Variants in CEP83 observed in about 807,000 individuals in gnomAD.
CEP83 encodes the protein centrosomal protein of 83 kDa.
In CEP83, 70 loss-of-function variants were observed where a neutral mutation model predicts 101.9. The ratio of observed to expected loss-of-function variants is 0.69; its 90% CI spans 0.57 to 0.84. The LOEUF (loss-of-function observed/expected upper bound fraction) is 0.84, where lower values mean the gene tolerates loss of function less well. Among genes scored for constraint, CEP83 ranks in the 40% least tolerant of loss-of-function variants. The probability of loss-of-function intolerance (pLI) is 0.00; values close to 1 mark genes in which losing one functional copy is unlikely to be tolerated. For synonymous variants in CEP83, 264 were observed against 267.9 expected (o/e 0.99, Z 0.14); for missense variants, 715 against 787.2 (o/e 0.91, Z 1.10).
intron 11 of CEP83, among the ~76,000 whole-genome samples, chr12:94,343,470 C>CTTTTCTTTTTTTTTT (rs2059785388): frequency 2.4e-5 from 2 of 84,168 alleles, no homozygotes; most frequent in African/African-American, 1.0e-4. Flanking sequence ...TAGAAATTAA[C>CTTTTCTTTTTTTTTT]TTTTTTTTTT....
chr12:94,441,018 A>G (rs1424886459), intron 1 of CEP83, among the ~76,000 whole-genome samples: 1 of 152,258 alleles, frequency 6.6e-6, no homozygotes, highest in Non-Finnish European at 1.5e-5. Flanking sequence ...CTCACCTTAC[A>G]CAAAAATCAA....
chr12:94,305,096 A>C, downstream of CEP83: 1 of 760,386 alleles, frequency 1.3e-6, no homozygotes, highest in Non-Finnish European at 2.2e-6. Flanking sequence ...TACAGATTTT[A>C]CCACTCACAG....
At chr12:94,406,856 G>T (rs2063569968) in intron 4 of CEP83, among the ~76,000 whole-genome samples, 1 of 151,732 alleles carries the variant, frequency 6.6e-6, no homozygotes. Flanking sequence ...GAACACAGGA[G>T]GCGGAGCTTG....
chr12:94,401,214 A>T (rs1341708686), intron 5 of CEP83: 1 of 196,866 alleles, frequency 5.1e-6, no homozygotes, highest in Non-Finnish European at 9.8e-6. Flanking sequence ...CCATTCAATT[A>T]ATCTTATTTC....
intron 11 of CEP83, among the ~76,000 whole-genome samples, chr12:94,346,448 A>C (rs2059936628): frequency 9.5e-6 from 1 of 105,502 alleles, no homozygotes; most frequent in Non-Finnish European, 1.8e-5. Flanking sequence ...ACGCCGTCTC[A>C]AAAAAAAAAA....
rs1473564654 is a variant in CEP83, at chr12:94,410,285, A to G, written c.324+1412T>C. 2.0e-5 allele frequency among the ~76,000 whole-genome samples: 3 copies of G among 152,334 alleles called. No homozygotes were observed. The East Asian group carries it at 5.8e-4, about 29-fold the overall frequency. ...TAATCTATGAATATTTACTATGTGG[A>G]AAGTATGGCAGTAAAAATGTAGATG... On this transcript the variant is annotated intron_variant, in intron 4 of 16. Transcript: ENST00000397809.
chr12:94,290,869 G>A, the CEP83 span, among the ~76,000 whole-genome samples: 1 of 152,202 alleles, frequency 6.6e-6, no homozygotes, highest in Non-Finnish European at 1.5e-5. Context: ...GAAGTGACAG[G>A]GTCAGTCCTC....
At chr12:94,275,040 A>G in the CEP83 span, among the ~76,000 whole-genome samples, 1 of 152,318 alleles carries the variant, frequency 6.6e-6, no homozygotes, top group East Asian at 1.9e-4. Flanking sequence ...CAGCGAAGTT[A>G]GACGACTTCC....
intron 6 of CEP83, among the ~76,000 whole-genome samples, chr12:94,389,650 C>G (rs988168666): frequency 1.3e-5 from 2 of 152,166 alleles, no homozygotes; most frequent in African/African-American, 2.4e-5. Context: ...AGAGGGTGAG[C>G]TGAAGCAGGG....
chr12:94,388,612 A>T (rs1021335344), intron 6 of CEP83, among the ~76,000 whole-genome samples: 48 of 152,346 alleles, frequency 3.2e-4, no homozygotes, highest in African/African-American at 9.9e-4. Context: ...ATTATTTTTT[A>T]AAAAAAGAAA....
At chr12:94,392,846 A>T (rs561856377) in intron 6 of CEP83, among the ~76,000 whole-genome samples, 4 of 152,372 alleles carry the variant, frequency 2.6e-5, no homozygotes, top group African/African-American at 7.2e-5. Context: ...TACTATAGAC[A>T]GCTCTATGCA....
chr12:94,446,662 C>G (rs1300565158), intron 1 of CEP83, among the ~76,000 whole-genome samples: 1 of 152,074 alleles, frequency 6.6e-6, no homozygotes, highest in Non-Finnish European at 1.5e-5. Context: ...AAGCTGAGAT[C>G]ATGCCACTGC....
chr12:94,447,615 AAAGACAT>A (rs1291775020), intron 1 of CEP83, among the ~76,000 whole-genome samples: 1 of 152,212 alleles, frequency 6.6e-6, no homozygotes. Flanking sequence ...CATCTCGTTT[AAAGACAT>A]AAGACTACAT....
Position 94,310,117 on chromosome 12 carries a change from AAAAAG to A in CEP83, c.1812-15_1812-11del, listed in dbSNP as rs772792127. On this transcript the variant is annotated splice_polypyrimidine_tract_variant and intron_variant, in intron 15 of 16. Transcript: ENST00000397809. ...AAAAGGAACATTTTGTCTTAAAAAGAAAAAGAAATGTTTCTTTAACATGGTTATAC... is the reference window on the plus strand; with the variant it reads ...AAAAGGAACATTTTGTCTTAAAAAGAAAATGTTTCTTTAACATGGTTATAC... 5 of 1,456,536 alleles carry A rather than the reference AAAAAG, an allele frequency of 3.4e-6. No homozygotes were observed. In the South Asian group the frequency reaches 3.6e-5, roughly 11 times the overall value. 90.2% of individuals were successfully genotyped at this position (1,456,536 alleles called of 1,614,324 possible).
rs188842195 is a variant in CEP83, at chr12:94,393,995, A to G, written c.549+6855T>C. 9.1e-4 allele frequency among the ~76,000 whole-genome samples: 139 copies of G among 152,318 alleles called. 1 individual carries two copies. Among genetic ancestry groups the G allele is most frequent in the East Asian group, 5.0e-3 (26 of 5,184 alleles). On this transcript the variant is annotated intron_variant, in intron 6 of 16. Transcript: ENST00000397809. Reference sequence around the variant, plus strand: ...AAAGAGGACACAAACAAATGGAAAAACATTCCATGCTTATGGATAGGAAGA... The same window carrying G: ...AAAGAGGACACAAACAAATGGAAAAGCATTCCATGCTTATGGATAGGAAGA...
At position 94,308,846 on chromosome 12, in the gene CEP83, TTTTC is replaced by T; in HGVS notation, c.2069_2072del (p.Arg690AsnfsTer3). The T allele has an allele frequency of 6.2e-7, 1 of 1,612,688 alleles. No individual in the cohort carries two copies. The highest frequency in any genetic ancestry group is 8.5e-7 in the Non-Finnish European group (1 of 1,178,894). ...CGGAAGATCCAAGTTCCTCTAGTTG[TTTTC>T]TTTGTGTTGTTTCCAGTTCTTCTAG... On this transcript the variant is annotated frameshift_variant, in exon 17 of 17. Coordinates refer to ENST00000397809, the MANE Select transcript of CEP83 (RefSeq NM_016122.3). LOFTEE classifies it high-confidence loss of function.
chr12:94,327,558 T>C (rs1309467694), intron 14 of CEP83, among the ~76,000 whole-genome samples: 2 of 152,216 alleles, frequency 1.3e-5, no homozygotes, highest in Non-Finnish European at 1.5e-5. Context: ...CATGTCTACA[T>C]GGATGCACTG....
intron 11 of CEP83, among the ~76,000 whole-genome samples, chr12:94,357,527 C>T (rs1435348749): frequency 6.6e-6 from 1 of 152,312 alleles, no homozygotes; most frequent in African/African-American, 2.4e-5. Context: ...GGAGCCGTCT[C>T]GGGCCCTGTT....
At chr12:94,352,147 G>A (rs557262901) in intron 11 of CEP83, among the ~76,000 whole-genome samples, 5 of 152,172 alleles carry the variant, frequency 3.3e-5, no homozygotes, top group Non-Finnish European at 7.4e-5. Context: ...AAAGTTGGGC[G>A]TGGTGGTTCA....
Sources: allele counts gnomAD v4.1 joint callset (sites outside exome capture counted in the v4.1 genomes callset), GRCh38; gene constraint gnomAD v4.1.1; transcripts MANE v1.5; gene names NCBI Gene and HGNC (gene_info 2026-07-23, HGNC 2026-07-21).